ACVR2A: variants seen among roughly 807,000 people sequenced by gnomAD.
ACVR2A encodes the protein activin receptor type-2A.
In ACVR2A, 7 loss-of-function variants were observed where a neutral mutation model predicts 61.4. The ratio of observed to expected loss-of-function variants is 0.11; its 90% CI spans 0.06 to 0.21. The LOEUF (loss-of-function observed/expected upper bound fraction) is 0.21. ACVR2A is among the 10% of genes least tolerant of loss of function. The pLI is 1.00. For missense variants in ACVR2A, 322 were observed against 621.7 expected (o/e 0.52, Z 5.13); for synonymous variants, 193 against 208.3 (o/e 0.93, Z 0.63).
chr2:147,899,297 C>A, intron 2 of ACVR2A, 161 bp from the exon 3 acceptor site: 1 of 462,418 alleles, frequency 2.2e-6, no homozygotes, highest in Non-Finnish European at 3.6e-6. Context: ...TAACAGGAAT[C>A]CAGGAACATT....
chr2:147,903,624 T>C (rs938992521), intron 4 of ACVR2A, among the ~76,000 whole-genome samples: 2 of 151,942 alleles, frequency 1.3e-5, no homozygotes, highest in African/African-American at 2.4e-5. Context: ...TTCCATACTC[T>C]CTTTGTCTTT....
At chr2:147,908,594 TC>T (rs1488627536) in intron 4 of ACVR2A, among the ~76,000 whole-genome samples, 1 of 152,226 alleles carries the variant, frequency 6.6e-6, no homozygotes, top group African/African-American at 2.4e-5. Context: ...AGAAACATTG[TC>T]CTCGCATATA....
At position 147,927,213 on chromosome 2, in the gene ACVR2A, T is replaced by C. The variant is rs202050064; in HGVS notation, c.1481T>C (p.Ile494Thr). 2.6e-5 allele frequency: 42 copies of C among 1,612,082 alleles called. No homozygotes were observed. In the East Asian group the frequency reaches 4.0e-4, roughly 15 times the overall value. The change falls in exon 11 of 11, where the codon ATT becomes ACT. Residue 494 changes from isoleucine to threonine, a missense_variant. Coordinates refer to ENST00000241416, the MANE Select transcript of ACVR2A (RefSeq NM_001616.5). ...ACAAATATTATTACCACAGAGGACA[T>C]TGTAACAGTGGTCACAATGGTGACA... Reference protein sequence around the residue: ...RLTNIITTEDIVTVVTMVTNV... With the variant: ...RLTNIITTEDTVTVVTMVTNV...
At chr2:147,849,754 G>A (rs1685402247) in intron 1 of ACVR2A, among the ~76,000 whole-genome samples, 1 of 152,084 alleles carries the variant, frequency 6.6e-6, no homozygotes, top group Non-Finnish European at 1.5e-5. Context: ...GTCCAAATGA[G>A]CCTCACAGTG....
intron 1 of ACVR2A, among the ~76,000 whole-genome samples, chr2:147,880,092 T>A (rs1209515651): frequency 6.6e-6 from 1 of 152,206 alleles, no homozygotes; most frequent in Non-Finnish European, 1.5e-5. Flanking sequence ...CTAGTATGAA[T>A]TCCTTTATAG....
intron 4 of ACVR2A, among the ~76,000 whole-genome samples, chr2:147,902,147 CA>C (rs1686884897): frequency 6.6e-6 from 1 of 151,692 alleles, no homozygotes; most frequent in Non-Finnish European, 1.5e-5. Context: ...TTAAAAAATA[CA>C]AATTTTGGGA....
Position 147,923,003 on chromosome 2 carries a change from G to A in ACVR2A, c.1108G>A (p.Val370Ile). 6.2e-7 allele frequency: 1 copy of A among 1,613,270 alleles called. No individual in the cohort carries two copies. The highest frequency in any genetic ancestry group is 8.5e-7 in the Non-Finnish European group (1 of 1,179,466). Residue 370 changes from valine (V) to isoleucine (I), a missense_variant, in exon 9 of 11, where the codon GTA (valine) becomes ATA (isoleucine). Val to Ile is a conservative substitution (Grantham distance 29, BLOSUM62 3). Transcript: ENST00000241416. ...VGTRRYMAPE[V>I]LEGAINFQRD... Reference sequence around the variant, plus strand: ...TACCCGGAGGTACATGGCTCCAGAGGTATTAGAGGGTGCTATAAACTTCCA... The same window carrying A: ...TACCCGGAGGTACATGGCTCCAGAGATATTAGAGGGTGCTATAAACTTCCA...
rs1310846993 is a variant in ACVR2A, at chr2:147,929,856, G to C, written c.*2582G>C. 6.6e-6 allele frequency: 1 copy of C among 152,334 alleles called. No homozygotes were observed. Among genetic ancestry groups the C allele is most frequent in the Admixed American group, 6.6e-5 (1 of 15,206 alleles). The allele number at this position is 152,334 out of a possible 1,614,324, so 9.4% of individuals were successfully genotyped here. On this transcript the variant is annotated 3_prime_UTR_variant, in exon 11 of 11. Transcript: ENST00000241416. ...GACTCGTCTTGTATTTTGCCTTTCT[G>C]ATACCCATCAGAACTGCTGCTGCTC... is the stretch of plus-strand genomic sequence containing the variant.
intron 4 of ACVR2A, among the ~76,000 whole-genome samples, chr2:147,910,539 A>C (rs537758053): frequency 6.6e-6 from 1 of 152,194 alleles, no homozygotes; most frequent in Non-Finnish European, 1.5e-5. Flanking sequence ...GAAGAAAACT[A>C]GTTAAGCAAC....
At chr2:147,885,115 G>C (rs1686395727) in intron 1 of ACVR2A, among the ~76,000 whole-genome samples, 2 of 151,946 alleles carry the variant, frequency 1.3e-5, no homozygotes, top group East Asian at 3.9e-4. Context: ...TAGGCCTTGT[G>C]AATTGTTGAT....
chr2:147,846,162 A>T (rs1261249052), intron 1 of ACVR2A, among the ~76,000 whole-genome samples: 2 of 152,186 alleles, frequency 1.3e-5, no homozygotes, highest in Non-Finnish European at 2.9e-5. Flanking sequence ...AGGTGTGCAG[A>T]TGTACATAAC....
intron 1 of ACVR2A, among the ~76,000 whole-genome samples, chr2:147,890,341 A>AGTGTGTGTGT (rs60514095): frequency 0.081 from 12,026 of 148,814 alleles, 556 homozygotes; most frequent in Non-Finnish European, 0.11. Context: ...CCATTAGTAT[A>AGTGTGTGTGT]GTGTGTGTGT....
At chr2:147,887,129 T>G (rs1484368009) in intron 1 of ACVR2A, among the ~76,000 whole-genome samples, 1 of 152,040 alleles carries the variant, frequency 6.6e-6, no homozygotes, top group African/African-American at 2.4e-5. Context: ...GGAGGATCGC[T>G]TGAGCCCAGG....
chr2:147,911,101 C>CT (rs746695331), intron 4 of ACVR2A, among the ~76,000 whole-genome samples: 1 of 152,126 alleles, frequency 6.6e-6, no homozygotes, highest in Non-Finnish European at 1.5e-5. Context: ...TTTGTTAGGG[C>CT]TGCTAGCTCG....
chr2:147,887,224 A>C (rs1456209753), intron 1 of ACVR2A, among the ~76,000 whole-genome samples: 1 of 152,110 alleles, frequency 6.6e-6, no homozygotes, highest in African/African-American at 2.4e-5. Context: ...AAAAAAAAAA[A>C]AGTTTAAAGA....
At chr2:147,886,196 A>G (rs1467870021) in intron 1 of ACVR2A, among the ~76,000 whole-genome samples, 3 of 152,198 alleles carry the variant, frequency 2.0e-5, no homozygotes, top group African/African-American at 7.2e-5. Flanking sequence ...ACCATCATTC[A>G]ATTTAATCCA....
intron 1 of ACVR2A, among the ~76,000 whole-genome samples, chr2:147,873,046 T>C (rs1030378382): frequency 8.6e-5 from 13 of 151,962 alleles, no homozygotes; most frequent in African/African-American, 2.7e-4. Context: ...ACATACATTA[T>C]TTGTGATGAG....
At chr2:147,859,373 G>C (rs1685668990) in intron 1 of ACVR2A, among the ~76,000 whole-genome samples, 1 of 151,964 alleles carries the variant, frequency 6.6e-6, no homozygotes, top group Admixed American at 6.6e-5. Context: ...TGTGTGATTA[G>C]AGAGGAGGGC....
chr2:147,879,136 T>A (rs557784544), intron 1 of ACVR2A, among the ~76,000 whole-genome samples: 1 of 152,308 alleles, frequency 6.6e-6, no homozygotes, highest in East Asian at 1.9e-4. Context: ...TTTTTTTCAT[T>A]TCATTTTGTG....
Sources: allele counts gnomAD v4.1 joint callset (sites outside exome capture counted in the v4.1 genomes callset), GRCh38; gene constraint gnomAD v4.1.1; transcripts MANE v1.5; gene names NCBI Gene and HGNC (gene_info 2026-07-23, HGNC 2026-07-21).